DOK5: variants seen among roughly 807,000 people sequenced by gnomAD.
DOK5 encodes docking protein 5.
Under a neutral mutation model 43.3 loss-of-function variants are expected in DOK5, and 27 were observed. The ratio of observed to expected loss-of-function variants is 0.62; its 90% CI spans 0.46 to 0.86. DOK5 has a LOEUF of 0.86. Among genes scored for constraint, DOK5 ranks in the 40% least tolerant of loss-of-function variants. The pLI is 0.00. For synonymous variants in DOK5, 146 were observed against 140.1 expected (o/e 1.04, Z -0.30); for missense variants, 373 against 392.9 (o/e 0.95, Z 0.43).
At chr20:54,623,921 G>A (rs562004877) in intron 6 of DOK5, among the ~76,000 whole-genome samples, 67 of 152,258 alleles carry the variant, frequency 4.4e-4, no homozygotes, top group African/African-American at 1.5e-3. Context: ...TGAGTTGGGC[G>A]AGGAGAAAGA....
chr20:54,580,115 T>A (rs1985588991), intron 2 of DOK5, among the ~76,000 whole-genome samples: 1 of 152,146 alleles, frequency 6.6e-6, no homozygotes, highest in Non-Finnish European at 1.5e-5. Context: ...GAACTCATCC[T>A]TTTTTATGGC....
chr20:54,616,773 T>TTC (rs998535840), intron 6 of DOK5, among the ~76,000 whole-genome samples: 1 of 136,680 alleles, frequency 7.3e-6, no homozygotes, highest in African/African-American at 3.2e-5. Context: ...CCACTTTCTT[T>TTC]TTTTTTTTTT....
At chr20:54,482,035 C>G (rs1981741751) in intron 1 of DOK5, among the ~76,000 whole-genome samples, 1 of 152,294 alleles carries the variant, frequency 6.6e-6, no homozygotes, top group East Asian at 1.9e-4. Context: ...CCTCAAAGAA[C>G]TTGTTTTTTA....
intron 1 of DOK5, among the ~76,000 whole-genome samples, chr20:54,482,914 GCTTTGGGATAACTTTA>G (rs1469263329): frequency 1.3e-5 from 2 of 152,188 alleles, no homozygotes; most frequent in African/African-American, 2.4e-5. Flanking sequence ...AGAACAAGAG[GCTTTGGGATAACTTTA>G]CCAGTAGGGA....
At chr20:54,476,113 C>A in intron 1 of DOK5, 101 bp downstream of exon 1, 1 of 1,565,076 alleles carries the variant, frequency 6.4e-7, no homozygotes, top group Non-Finnish European at 8.7e-7. Flanking sequence ...GGCCGCGCGC[C>A]GGAGAATTGC....
chr20:54,524,317 G>C (rs970849026), intron 1 of DOK5, among the ~76,000 whole-genome samples: 1 of 152,180 alleles, frequency 6.6e-6, no homozygotes, highest in African/African-American at 2.4e-5. Context: ...CTCAGAATCA[G>C]CGTGGTTCAC....
chr20:54,650,460 C>T lies in DOK5; in HGVS notation c.902C>T (p.Ala301Val), dbSNP rs371376809. 6.2e-7 allele frequency: 1 copy of T among 1,613,894 alleles called. No individual in the cohort carries two copies. The highest frequency in any genetic ancestry group is 8.5e-7 in the Non-Finnish European group (1 of 1,180,000). ...LKLHRTETFP[A>V]YRSEH ...CTTCATCGAACAGAGACTTTTCCAGCCTACAGATCTGAGCACTGACAGTAA... is the reference window on the plus strand; with the variant it reads ...CTTCATCGAACAGAGACTTTTCCAGTCTACAGATCTGAGCACTGACAGTAA... The change falls in exon 8 of 8, where the codon GCC (alanine) becomes GTC (valine). Residue 301 changes from alanine to valine, a missense_variant. Physicochemically the swap from Ala to Val is moderately conservative, Grantham distance 64 (BLOSUM62 0). Transcript: ENST00000262593.
chr20:54,627,485 A>T (rs969332256), intron 6 of DOK5, among the ~76,000 whole-genome samples: 1 of 152,218 alleles, frequency 6.6e-6, no homozygotes, highest in Non-Finnish European at 1.5e-5. Context: ...AGTTAAGTAG[A>T]AAGTCAGGAC....
chr20:54,640,252 TG>T (rs1979043036), intron 6 of DOK5, among the ~76,000 whole-genome samples: 2 of 152,260 alleles, frequency 1.3e-5, no homozygotes, highest in South Asian at 4.1e-4. Context: ...CAAAGCTGAA[TG>T]CATTGACGTT....
chr20:54,525,350 T>C (rs1983542214), intron 1 of DOK5, among the ~76,000 whole-genome samples: 1 of 152,220 alleles, frequency 6.6e-6, no homozygotes, highest in Non-Finnish European at 1.5e-5. Context: ...AACATTAAAA[T>C]TCTTATTTTA....
At chr20:54,561,496 C>A (rs1818050539) in intron 2 of DOK5, among the ~76,000 whole-genome samples, 1 of 152,210 alleles carries the variant, frequency 6.6e-6, no homozygotes, top group South Asian at 2.1e-4. Flanking sequence ...TACTGGAAAG[C>A]TCATGGATTG....
intron 6 of DOK5, among the ~76,000 whole-genome samples, chr20:54,642,538 T>C (rs1238239130): frequency 2.6e-5 from 2 of 76,198 alleles, no homozygotes; most frequent in Non-Finnish European, 4.8e-5. Context: ...ACCCCATCTC[T>C]ACTAAAAATA....
At chr20:54,548,662 TG>T (rs1210873075) in intron 1 of DOK5, among the ~76,000 whole-genome samples, 1 of 152,230 alleles carries the variant, frequency 6.6e-6, no homozygotes, top group Non-Finnish European at 1.5e-5. Context: ...ATACTATAGA[TG>T]ACAAGTAGAT....
chr20:54,501,190 G>A (rs750799081), intron 1 of DOK5, among the ~76,000 whole-genome samples: 14 of 151,542 alleles, frequency 9.2e-5, no homozygotes, highest in Non-Finnish European at 1.6e-4. Flanking sequence ...CAGTGGGGCT[G>A]GGCGCGGTGG....
chr20:54,560,690 G>A (rs901849889), intron 2 of DOK5, among the ~76,000 whole-genome samples: 22 of 152,046 alleles, frequency 1.4e-4, no homozygotes, highest in African/African-American at 4.8e-4. Flanking sequence ...GCACGATCTC[G>A]GCTCACTGCA....
intron 6 of DOK5, among the ~76,000 whole-genome samples, chr20:54,615,249 G>T (rs1600738396): frequency 6.6e-6 from 1 of 152,126 alleles, no homozygotes; most frequent in Non-Finnish European, 1.5e-5. Context: ...GGGGCCTGTG[G>T]GTCCGATAAT....
chr20:54,558,288 C>T lies in DOK5; in HGVS notation c.174+3248C>T, dbSNP rs550362013. ...TGAATAAAGGGAAGTTGAGGACAAA[C>T]TTGCTCTATTTCAGACTTCTACCTG... On this transcript the variant is annotated intron_variant, in intron 2 of 7. Coordinates refer to ENST00000262593, the MANE Select transcript of DOK5 (RefSeq NM_018431.5). Among the ~76,000 whole-genome samples the T allele has an allele frequency of 2.0e-5, 3 of 152,302 alleles. No homozygotes were observed. The South Asian group carries it at 6.2e-4, about 32-fold the overall frequency.
rs767805238 is a variant in DOK5 at position 54,588,699 on chromosome 20, A to T, written c.302A>T (p.Asp101Val). 3.1e-6 allele frequency: 5 copies of T among 1,614,112 alleles called. No homozygotes were observed. Among genetic ancestry groups the T allele is most frequent in the Non-Finnish European group, 3.4e-6 (4 of 1,179,980 alleles). Residue 101 changes from aspartate to valine, a missense_variant, in exon 4 of 8, where the codon GAT becomes GTT. Asp to Val is a radical substitution (Grantham distance 152, BLOSUM62 -3). Coordinates refer to ENST00000262593, the MANE Select transcript of DOK5 (RefSeq NM_018431.5). The stretch of plus-strand genomic sequence containing the variant: ...GACATTTCCACAGATCTTGAGGCTG[A>T]TGAGTGGTGCAAAGTACTCCAGATG... Reference protein sequence around the residue: ...TFACESDLEADEWCKVLQMEC... With the variant: ...TFACESDLEAVEWCKVLQMEC...
At chr20:54,489,773 T>C (rs535328873) in intron 1 of DOK5, among the ~76,000 whole-genome samples, 8 of 152,220 alleles carry the variant, frequency 5.3e-5, no homozygotes, top group African/African-American at 7.2e-5. Context: ...ATCCATTTTT[T>C]TTCCTCTGTT....
Sources: allele counts gnomAD v4.1 joint callset (sites outside exome capture counted in the v4.1 genomes callset), GRCh38; gene constraint gnomAD v4.1.1; transcripts MANE v1.5; gene names NCBI Gene and HGNC (gene_info 2026-07-23, HGNC 2026-07-21).